The following ADAMTS1 variants were observed in gnomAD, a reference collection of about 807,000 sequenced individuals.
ADAMTS1 encodes ADAM metallopeptidase with thrombospondin type 1 motif 1.
A neutral mutation model predicts 87.9 loss-of-function variants in ADAMTS1; 19 were observed. That is an observed-to-expected ratio of 0.22 (90% CI 0.15 to 0.32). The LOEUF (loss-of-function observed/expected upper bound fraction) is 0.32. Ranked by LOEUF, ADAMTS1 falls within the 10% of genes least tolerant of loss-of-function variation. ADAMTS1 has a pLI of 1.00. For synonymous variants in ADAMTS1, 542 were observed against 501.8 expected (o/e 1.08, Z -1.07); for missense variants, 1,240 against 1,259.1 (o/e 0.98, Z 0.23).
chr21:26,843,398 G>C (rs1404226332), intron 1 of ADAMTS1: 8 of 450,546 alleles, frequency 1.8e-5, no homozygotes, highest in African/African-American at 4.1e-5. Flanking sequence ...AGGAGCAGAG[G>C]AGCAGGGGAA....
chr21:26,842,140 C>A (rs1568811462), intron 2 of ADAMTS1, 150 bp from the exon 3 acceptor site: 13 of 1,099,238 alleles, frequency 1.2e-5, no homozygotes, highest in Non-Finnish European at 1.7e-5. Context: ...TTTAATCAAG[C>A]TTTTTTCTAA....
chr21:26,843,849 G>C, intron 1 of ADAMTS1: 1 of 453,684 alleles, frequency 2.2e-6, no homozygotes, highest in Non-Finnish European at 4.3e-6. Context: ...GTTGCAACCC[G>C]CACAAAAGGC....
chr21:26,839,573 T>TA lies in ADAMTS1; in HGVS notation c.2028+13dup, dbSNP rs759691893. On this transcript the variant is annotated intron_variant, in intron 7 of 8. Transcript: ENST00000284984. Reference sequence around the variant, plus strand: ...CCTTGATTTTTAGGTAAAAATAAGGTAAAAACGAACTACCTTGGGCTGCAA... The same window carrying TA: ...CCTTGATTTTTAGGTAAAAATAAGGTAAAAAACGAACTACCTTGGGCTGCAA... 2.6e-5 allele frequency: 39 copies of TA among 1,527,148 alleles called. No individual in the cohort carries two copies. In the Middle Eastern group the frequency reaches 1.3e-3, roughly 51 times the overall value. The allele number at this position is 1,527,148 out of a possible 1,614,324, so 94.6% of individuals were successfully genotyped here.
chr21:26,843,751 T>C (rs1233453960), intron 1 of ADAMTS1: 1 of 494,748 alleles, frequency 2.0e-6, no homozygotes, highest in Admixed American at 2.1e-5. Context: ...CCTTCCCAGG[T>C]CACCATTGCT....
chr21:26,844,797 G>C lies in ADAMTS1; in HGVS notation c.158C>G (p.Pro53Arg), dbSNP rs530817649. The C allele has an allele frequency of 8.8e-5, 136 of 1,545,372 alleles. No individual in the cohort carries two copies. In the East Asian group the frequency reaches 3.1e-3, roughly 35 times the overall value. Residue 53 changes from proline to arginine, a missense_variant, in exon 1 of 9, where the codon CCC (proline) becomes CGC (arginine). Pro to Arg is a moderately radical substitution (Grantham distance 103). This residue lies in a region of ADAMTS1 where 521 missense variants were observed against 449.7 expected (regional missense o/e 1.16). Coordinates refer to ENST00000284984, the MANE Select transcript of ADAMTS1 (RefSeq NM_006988.5). ...LLAVSDALGRPSEEDEELVVP... is the reference protein window; with the variant it reads ...LLAVSDALGRRSEEDEELVVP... ...CACTAGCTCCTCGTCCTCCTCGGAG[G>C]GGCGCCCGAGTGCGTCCGACACGGC...
In ADAMTS1 at chr21:26,844,703, C is replaced by G. The variant is rs1172893388; in HGVS notation, c.252G>C (p.Gln84His). The change falls in exon 1 of 9, where the codon CAG becomes CAC. Residue 84 changes from glutamine (Q) to histidine (H), a missense_variant. Around this residue, in one of 3 missense-constraint regions of ADAMTS1, gnomAD observed 521 missense variants for 449.7 expected, o/e 1.16. Transcript: ENST00000284984. ...TRLRLHAFDQ[Q>H]LDLELRPDSS... Reference sequence around the variant, plus strand: ...TGTCGGGCCGCAGCTCCAGATCCAGCTGCTGGTCAAAGGCGTGCAGGCGGA... The same window carrying G: ...TGTCGGGCCGCAGCTCCAGATCCAGGTGCTGGTCAAAGGCGTGCAGGCGGA... 5 of 1,592,274 alleles carry G rather than the reference C, an allele frequency of 3.1e-6. No individual in the cohort carries two copies. Among genetic ancestry groups the G allele is most frequent in the African/African-American group, 1.3e-5 (1 of 74,712 alleles).
chr21:26,844,422 G>C lies in ADAMTS1; in HGVS notation c.533C>G (p.Pro178Arg), dbSNP rs547264069. 3.8e-6 allele frequency: 6 copies of C among 1,588,334 alleles called. No individual in the cohort carries two copies. In the East Asian group the frequency reaches 6.9e-5, roughly 18 times the overall value. The change falls in exon 1 of 9, where the codon CCG (proline) becomes CGG (arginine). Residue 178 changes from proline (P) to arginine (R), a missense_variant. Pro to Arg is a moderately radical substitution (Grantham distance 103). Around this residue, in one of 3 missense-constraint regions of ADAMTS1, gnomAD observed 521 missense variants for 449.7 expected, o/e 1.16. Transcript: ENST00000284984. ...CAGGAGGTGGAACTGTAGTGGTGCC[G>C]GCGGCTTCTCCCCTGGGGCGGCGGT... ...LATAAPGEKP[P>R]APLQFHLLRR... is the part of the protein sequence containing the mutation.
chr21:26,844,748 C>T lies in ADAMTS1; in HGVS notation c.207G>A (p.Pro69=), dbSNP rs771336444. ...ELVVPELERA[P]GHGTTRLRLH... ...GGCGGAGGCGCGTGGTCCCGTGTCC[C>T]GGGGCGCGCTCCAGCTCCGGCACCA... The change falls in exon 1 of 9, where the codon CCG becomes CCA. Residue 69 remains proline, a synonymous_variant. Coordinates refer to ENST00000284984, the MANE Select transcript of ADAMTS1 (RefSeq NM_006988.5). 4 of 1,561,396 alleles carry T rather than the reference C, an allele frequency of 2.6e-6. No individual in the cohort carries two copies. The highest frequency in any genetic ancestry group is 2.3e-5 in the South Asian group (2 of 85,944).
chr21:26,844,052 T>C (rs1985553958), intron 1 of ADAMTS1, among the ~76,000 whole-genome samples, 173 bp downstream of exon 1: 1 of 152,204 alleles, frequency 6.6e-6, no homozygotes, highest in African/African-American at 2.4e-5. Flanking sequence ...GTATGTTTTC[T>C]AGCTGAGTTC....
In ADAMTS1 at chr21:26,837,689, T is replaced by C. The variant is rs1985397462; in HGVS notation, c.2794A>G (p.Ser932Gly). ...KTCGKGYKKR[S>G]LKCLSHDGGV... ...CCATCATGGGACAGACACTTCAAGCTTCTTTTTTTGTAACCCTTCCCACAG... is the reference window on the plus strand; with the variant it reads ...CCATCATGGGACAGACACTTCAAGCCTCTTTTTTTGTAACCCTTCCCACAG... The change falls in exon 9 of 9, where the codon AGC becomes GGC. Residue 932 changes from serine (S) to glycine (G), a missense_variant. By Grantham distance (56) the Ser-to-Gly change is moderately conservative. This residue lies in a region of ADAMTS1 where 402 missense variants were observed against 399.1 expected (regional missense o/e 1.01). Transcript: ENST00000284984. 2 of 1,614,228 alleles carry C rather than the reference T, an allele frequency of 1.2e-6. No individual in the cohort carries two copies. Among genetic ancestry groups the C allele is most frequent in the Non-Finnish European group, 1.7e-6 (2 of 1,180,044 alleles).
chr21:26,844,747 C>T lies in ADAMTS1; in HGVS notation c.208G>A (p.Gly70Arg), dbSNP rs1340259911. ...AGGCGGAGGCGCGTGGTCCCGTGTC[C>T]CGGGGCGCGCTCCAGCTCCGGCACC... ...LVVPELERAPGHGTTRLRLHA... is the reference protein window; with the variant it reads ...LVVPELERAPRHGTTRLRLHA... Residue 70 changes from glycine to arginine, a missense_variant, in exon 1 of 9, where the codon GGA becomes AGA. Transcript: ENST00000284984. 3 of 1,561,638 alleles carry T rather than the reference C, an allele frequency of 1.9e-6. No individual in the cohort carries two copies. In the East Asian group the frequency reaches 7.0e-5, roughly 36 times the overall value.
Position 26,837,490 on chromosome 21 carries a change from T to C in ADAMTS1, c.*89A>G, listed in dbSNP as rs1985390535. ...TACACCTCACTGGTTACTGGCAAGA[T>C]ACGCTGGATCCCTCCAGCCTTCTTG... On this transcript the variant is annotated 3_prime_UTR_variant, in exon 9 of 9. Coordinates refer to ENST00000284984, the MANE Select transcript of ADAMTS1 (RefSeq NM_006988.5). 1 of 1,139,474 alleles carries C rather than the reference T, an allele frequency of 8.8e-7. No homozygotes were observed. Among genetic ancestry groups the C allele is most frequent in the Non-Finnish European group, 1.3e-6 (1 of 778,496 alleles). 70.6% of individuals were successfully genotyped at this position (1,139,474 alleles called of 1,614,324 possible).
At position 26,841,984 on chromosome 21, in the gene ADAMTS1, A is replaced by G. The variant is rs1373628753; in HGVS notation, c.1084T>C (p.Cys362Arg). ...TAILFTRQDL[C>R]GSQTCDTLGM... ...AGAGTATCACATGTCTGGGACCCACACAAGTCCTACAAAAAGCAAAGGTAA... is the reference window on the plus strand; with the variant it reads ...AGAGTATCACATGTCTGGGACCCACGCAAGTCCTACAAAAAGCAAAGGTAA... Residue 362 changes from cysteine (C) to arginine (R), a missense_variant, in exon 3 of 9, where the codon TGT becomes CGT. Transcript: ENST00000284984. The G allele has an allele frequency of 6.2e-7, 1 of 1,613,380 alleles. No individual in the cohort carries two copies. Among genetic ancestry groups the G allele is most frequent in the Admixed American group, 1.7e-5 (1 of 59,852 alleles).
At chr21:26,840,622 T>A (rs913059785) in intron 4 of ADAMTS1, 60 bp from the exon 5 acceptor site, 78 of 1,536,052 alleles carry the variant, frequency 5.1e-5, no homozygotes, top group Non-Finnish European at 6.1e-5. Flanking sequence ...AAGGGGTAGA[T>A]CCCATTTCAG....
intron 7 of ADAMTS1, 27 bp from the exon 8 acceptor site, chr21:26,838,641 T>TA: frequency 6.2e-7 from 1 of 1,603,450 alleles, no homozygotes; most frequent in East Asian, 2.2e-5. Flanking sequence ...TGTCTAGTGT[T>TA]ACATACAAGC....
chr21:26,838,484 T>C lies in ADAMTS1; in HGVS notation c.2159A>G (p.Asn720Ser), dbSNP rs866827963. The C allele has an allele frequency of 1.2e-6, 2 of 1,614,068 alleles. No homozygotes were observed. Among genetic ancestry groups the C allele is most frequent in the African/African-American group, 2.7e-5 (2 of 74,928 alleles). ...TGATATTTTTTTACAAGTAGATCCATTTCCCCCGCAAACACCACATTTATC... is the reference window on the plus strand; with the variant it reads ...TGATATTTTTTTACAAGTAGATCCACTTCCCCCGCAAACACCACATTTATC... ...KFDKCGVCGG[N>S]GSTCKKISGS... The change falls in exon 8 of 9, where the codon AAT becomes AGT. Residue 720 changes from asparagine to serine, a missense_variant. Asn to Ser is a conservative substitution (Grantham distance 46). This residue lies in a region of ADAMTS1 where 402 missense variants were observed against 399.1 expected (regional missense o/e 1.01). Transcript: ENST00000284984.
intron 6 of ADAMTS1, 56 bp from the exon 7 acceptor site, chr21:26,839,818 T>A: frequency 6.2e-7 from 1 of 1,605,150 alleles, no homozygotes; most frequent in Non-Finnish European, 8.5e-7. Context: ...GCCACCTGTT[T>A]GTGGGTACAT....
chr21:26,837,768 T>C lies in ADAMTS1; in HGVS notation c.2715A>G (p.Ala905=), dbSNP rs766257082. 5.0e-6 allele frequency: 8 copies of C among 1,614,224 alleles called. No individual in the cohort carries two copies. The highest frequency in any genetic ancestry group is 6.8e-6 in the Non-Finnish European group (8 of 1,180,038). The change falls in exon 9 of 9, where the codon GCA becomes GCG. Residue 905 remains alanine (A), a synonymous_variant. Transcript: ENST00000284984. ...GCTGCCACTGGGGGCAGGGATGGTC[T>C]GCACAAGGTCTGGTGCTGGCTGGCT... The part of the protein sequence containing the change: ...EVKPASTRPC[A]DHPCPQWQLG...
chr21:26,840,416 A>G lies in ADAMTS1; in HGVS notation c.1525T>C (p.Leu509=). Reference sequence around the variant, plus strand: ...CCACCAGAGGTGCCGGTACACCACAAGGTGCTACATGTGCTGGCTGCATCG... The same window carrying G: ...CCACCAGAGGTGCCGGTACACCACAGGGTGCTACATGTGCTGGCTGCATCG... The part of the protein sequence containing the change: ...CPDAASTCST[L]WCTGTSGGVL... The change falls in exon 5 of 9, where the codon TTG becomes CTG. Residue 509 remains leucine (L), a synonymous_variant. Transcript: ENST00000284984. 1.2e-6 allele frequency: 2 copies of G among 1,614,112 alleles called. No individual in the cohort carries two copies. The highest frequency in any genetic ancestry group is 1.7e-6 in the Non-Finnish European group (2 of 1,179,948).
Sources: allele counts gnomAD v4.1 joint callset (sites outside exome capture counted in the v4.1 genomes callset), GRCh38; gene constraint gnomAD v4.1.1; regional missense constraint gnomAD v4.1.1; transcripts MANE v1.5; gene names NCBI Gene and HGNC (gene_info 2026-07-23, HGNC 2026-07-21).